CABLES1: variants seen among roughly 807,000 people sequenced by gnomAD.
The protein encoded by CABLES1 is CDK5 and ABL1 enzyme substrate 1.
CABLES1 carries 36 observed loss-of-function variants against 57.8 expected under a neutral mutation model. The observed-to-expected ratio is 0.62, with a 90% CI of 0.48 to 0.82. The LOEUF (loss-of-function observed/expected upper bound fraction) is 0.82. Ranked by LOEUF, CABLES1 falls within the 40% of genes least tolerant of loss-of-function variation. The pLI, the probability that CABLES1 is intolerant of heterozygous loss-of-function variation, is 0.00. For missense variants in CABLES1, 767 were observed against 836.6 expected (o/e 0.92, Z 1.03); for synonymous variants, 374 against 363.0 (o/e 1.03, Z -0.35).
intron 7 of CABLES1, among the ~76,000 whole-genome samples, chr18:23,239,680 A>G (rs953204747): frequency 3.9e-5 from 6 of 152,218 alleles, no homozygotes; most frequent in Non-Finnish European, 1.5e-5. Context: ...AGGCCTTATT[A>G]TGAGCCAAGC....
At chr18:23,135,429 G>A (rs1258212479), upstream of CABLES1, 1 of 152,198 alleles carries the variant, frequency 6.6e-6, no homozygotes, top group Non-Finnish European at 1.5e-5. Flanking sequence ...GAGGGCTTTG[G>A]AGCGCGAGCG....
At position 23,171,366 on chromosome 18, in the gene CABLES1, G is replaced by A. The variant is rs938710888; in HGVS notation, c.846-17472G>A. Among the ~76,000 whole-genome samples the A allele has an allele frequency of 6.2e-4, 95 of 152,166 alleles. 1 individual carries two copies. The highest frequency in any genetic ancestry group is 2.2e-4 in the Non-Finnish European group (15 of 68,036). On this transcript the variant is annotated intron_variant, in intron 1 of 9. Coordinates refer to ENST00000256925, the MANE Select transcript of CABLES1 (RefSeq NM_001100619.3). The stretch of plus-strand genomic sequence containing the variant: ...AGTGGGTGCTTAGCAAATGAAGGGT[G>A]GATGACTGAATGCATCAATGAGTGA...
chr18:23,177,620 G>A (rs75037733), intron 1 of CABLES1, among the ~76,000 whole-genome samples: 2 of 152,156 alleles, frequency 1.3e-5, no homozygotes, highest in African/African-American at 2.4e-5. Context: ...TCCTGGGGCC[G>A]GACTTTGCTG....
At chr18:23,192,890 A>G (rs144836738) in intron 2 of CABLES1, among the ~76,000 whole-genome samples, 1 of 152,196 alleles carries the variant, frequency 6.6e-6, no homozygotes, top group Non-Finnish European at 1.5e-5. Context: ...AACCTTAGCC[A>G]ATTAAATCTG....
intron 2 of CABLES1, among the ~76,000 whole-genome samples, chr18:23,193,709 A>G (rs2047262219): frequency 1.3e-5 from 2 of 152,234 alleles, no homozygotes; most frequent in Non-Finnish European, 2.9e-5. Flanking sequence ...AAAATTTGCC[A>G]GGTGAAAACA....
At chr18:23,245,934 A>T (rs1050399468) in intron 7 of CABLES1, among the ~76,000 whole-genome samples, 1 of 152,216 alleles carries the variant, frequency 6.6e-6, no homozygotes, top group South Asian at 2.1e-4. Context: ...GGAGCCCTTC[A>T]TCTGGTGAAT....
chr18:23,135,697 C>T lies in CABLES1; in HGVS notation c.-66C>T. ...CCCGGGTCGCCGCCGCTCGCGCCCG[C>T]CGCTTAGCGCTCGGGCGCCGCTCGC... On this transcript the variant is annotated 5_prime_UTR_variant, in exon 1 of 10. Transcript: ENST00000256925. 1.0e-6 allele frequency: 1 copy of T among 983,280 alleles called. No homozygotes were observed. The allele number at this position is 983,280 out of a possible 1,614,324, so 60.9% of individuals were successfully genotyped here.
At chr18:23,148,966 TGCAACCTCTGCCTCCCAGGTTCAA>T (rs1175723390) in intron 1 of CABLES1, among the ~76,000 whole-genome samples, 2 of 152,148 alleles carry the variant, frequency 1.3e-5, no homozygotes, top group Non-Finnish European at 2.9e-5. Context: ...CTCAGTTTAC[TGCAACCTCTGCCTCCCAGGTTCAA>T]GCAATCCTCC....
At chr18:23,144,660 C>T (rs1057219753) in intron 1 of CABLES1, among the ~76,000 whole-genome samples, 6 of 152,232 alleles carry the variant, frequency 3.9e-5, no homozygotes, top group Non-Finnish European at 7.3e-5. Context: ...TCTAAGGCCA[C>T]ATAGCTGGAA....
chr18:23,216,516 C>A (rs976321453), intron 4 of CABLES1, among the ~76,000 whole-genome samples: 15 of 152,056 alleles, frequency 9.9e-5, no homozygotes, highest in Non-Finnish European at 8.8e-5. Context: ...GTGCTAGGGC[C>A]CACTCAGCAA....
At chr18:23,160,380 G>A (rs905239646) in intron 1 of CABLES1, among the ~76,000 whole-genome samples, 1 of 152,194 alleles carries the variant, frequency 6.6e-6, no homozygotes, top group African/African-American at 2.4e-5. Context: ...GTAGAGTCTT[G>A]AATTTAGCAA....
In CABLES1 at chr18:23,188,873, C is replaced by A; in HGVS notation, c.881C>A (p.Thr294Asn). 2 of 1,613,968 alleles carry A rather than the reference C, an allele frequency of 1.2e-6. No homozygotes were observed. The highest frequency in any genetic ancestry group is 1.7e-6 in the Non-Finnish European group (2 of 1,179,920). Residue 294 changes from threonine to asparagine, a missense_variant, in exon 2 of 10, where the codon ACC becomes AAC. Physicochemically the swap from Thr to Asn is moderately conservative, Grantham distance 65. Transcript: ENST00000256925. ...ATCTCCCAGAGATCTTCCTTGGAGA[C>A]CCTGGAAGATATTGAGGAGAACGCC... ...RLISQRSSLE[T>N]LEDIEENAPL...
intron 7 of CABLES1, among the ~76,000 whole-genome samples, chr18:23,241,846 C>A (rs567310773): frequency 2.0e-5 from 3 of 152,176 alleles, no homozygotes; most frequent in African/African-American, 7.2e-5. Flanking sequence ...AGAGGTGAAG[C>A]CTGTCATTTA....
At chr18:23,251,958 C>T (rs757498921) in intron 7 of CABLES1, among the ~76,000 whole-genome samples, 3 of 151,782 alleles carry the variant, frequency 2.0e-5, no homozygotes, top group Non-Finnish European at 4.4e-5. Context: ...TGATGGTGGG[C>T]GCCTGTATTT....
chr18:23,140,352 A>T (rs1470697787), intron 1 of CABLES1, among the ~76,000 whole-genome samples: 1 of 152,034 alleles, frequency 6.6e-6, no homozygotes, highest in Non-Finnish European at 1.5e-5. Context: ...CCAGGAGGAC[A>T]TGAAGTTGAG....
rs1448867885 is a variant in CABLES1 at position 23,137,806 on chromosome 18, C to G, written c.845+1199C>G. Among the ~76,000 whole-genome samples, 10 of 152,170 alleles carry G rather than the reference C, an allele frequency of 6.6e-5. No individual in the cohort carries two copies. The East Asian group carries it at 1.9e-3, about 29-fold the overall frequency. On this transcript the variant is annotated intron_variant, in intron 1 of 9. Transcript: ENST00000256925. ...CATGAGGGTGCTAGTTATGTAGCCT[C>G]GCTGTTTGAGTGCGCATGGCCCGCA... is the stretch of plus-strand genomic sequence containing the variant.
At chr18:23,254,063 G>A in intron 9 of CABLES1, 127 bp downstream of exon 9, 1 of 741,706 alleles carries the variant, frequency 1.3e-6, no homozygotes. Flanking sequence ...TGAGGTGAAG[G>A]CTATGAAGTC....
intron 4 of CABLES1, chr18:23,227,125 G>C (rs998275221): frequency 6.6e-6 from 1 of 152,132 alleles, no homozygotes; most frequent in Non-Finnish European, 1.5e-5. Flanking sequence ...ATTCAGATGA[G>C]GTCATCCGCT....
chr18:23,253,132 T>C, intron 8 of CABLES1, 66 bp downstream of exon 8: 2 of 887,364 alleles, frequency 2.3e-6, no homozygotes, highest in East Asian at 2.5e-5. Context: ...ACCGTAAGCT[T>C]GTCATCTGTC....
Sources: allele counts gnomAD v4.1 joint callset (sites outside exome capture counted in the v4.1 genomes callset), GRCh38; gene constraint gnomAD v4.1.1; transcripts MANE v1.5; gene names NCBI Gene and HGNC (gene_info 2026-07-23, HGNC 2026-07-21).